The following TRIM37 variants were observed in gnomAD, a reference collection of about 807,000 sequenced individuals.
The protein encoded by TRIM37 is E3 ubiquitin-protein ligase TRIM37.
TRIM37 carries 80 observed loss-of-function variants against 129.8 expected under a neutral mutation model. The observed-to-expected ratio is 0.62, with a 90% CI of 0.51 to 0.74. The LOEUF is 0.74. Ranked by LOEUF, TRIM37 falls within the 30% of genes least tolerant of loss-of-function variation. TRIM37 has a pLI of 0.00. For synonymous variants in TRIM37, 389 were observed against 387.1 expected (o/e 1.00, Z -0.06); for missense variants, 1,054 against 1,176.5 (o/e 0.90, Z 1.52).
chr17:59,019,045 C>T (rs2036274324), intron 19 of TRIM37, among the ~76,000 whole-genome samples: 1 of 152,152 alleles, frequency 6.6e-6, no homozygotes, highest in Non-Finnish European at 1.5e-5. Context: ...TCATATACTG[C>T]TGCTGGGAAT....
At chr17:59,094,530 G>A (rs2044679865) in intron 2 of TRIM37, among the ~76,000 whole-genome samples, 1 of 151,832 alleles carries the variant, frequency 6.6e-6, no homozygotes, top group Non-Finnish European at 1.5e-5. Flanking sequence ...TGCAACAAGA[G>A]AATCAACATA....
chr17:58,982,767 T>C, exon 25 of TRIM37: 1 of 618,914 alleles, frequency 1.6e-6, no homozygotes, highest in Admixed American at 3.1e-5. Context: ...GACAAATGGT[T>C]GAAAAGGAGT....
intron 8 of TRIM37, among the ~76,000 whole-genome samples, chr17:59,074,302 G>A (rs1470862037): frequency 6.6e-6 from 1 of 152,164 alleles, no homozygotes; most frequent in Non-Finnish European, 1.5e-5. Flanking sequence ...GATGTGTATA[G>A]GTTATATGAG....
chr17:58,979,946 T>C (rs765314619), downstream of TRIM37: 9 of 1,560,026 alleles, frequency 5.8e-6, no homozygotes, highest in Admixed American at 1.8e-5. Context: ...CAAATGCTAA[T>C]GATGCCCCTA....
At chr17:59,097,489 C>CTAA (rs1407001696) in intron 2 of TRIM37, among the ~76,000 whole-genome samples, 2 of 151,954 alleles carry the variant, frequency 1.3e-5, no homozygotes, top group Non-Finnish European at 2.9e-5. Context: ...AATGAACAAT[C>CTAA]TAAAAACGAA....
At chr17:59,057,174 G>C in intron 12 of TRIM37, 120 bp from the exon 13 acceptor site, 2 of 806,482 alleles carry the variant, frequency 2.5e-6, no homozygotes, top group Non-Finnish European at 4.0e-6. Flanking sequence ...GATATACGCA[G>C]TTACATTTCT....
intron 24 of TRIM37, among the ~76,000 whole-genome samples, chr17:58,986,177 CCT>C (rs1045239508): frequency 2.6e-5 from 4 of 152,036 alleles, no homozygotes; most frequent in Admixed American, 6.6e-5. Context: ...ACACCCGCCC[CCT>C]GTTGCTGTCA....
chr17:58,989,269 C>A (rs2144052606), intron 24 of TRIM37, among the ~76,000 whole-genome samples: 1 of 152,074 alleles, frequency 6.6e-6, no homozygotes, highest in East Asian at 1.9e-4. Flanking sequence ...AACCCCGTCT[C>A]TACTAAAAAT....
intron 11 of TRIM37, 143 bp downstream of exon 11, chr17:59,062,424 G>C: frequency 1.4e-6 from 1 of 696,732 alleles, no homozygotes; most frequent in Non-Finnish European, 2.5e-6. Flanking sequence ...TAATATGGGG[G>C]AAGAAGGGGA....
intron 17 of TRIM37, among the ~76,000 whole-genome samples, chr17:59,037,136 C>G (rs34076823): frequency 0.24 from 36,750 of 151,282 alleles, 4,764 homozygotes; most frequent in African/African-American, 0.33. Context: ...CAAAACAAAA[C>G]AAAAACAAAA....
chr17:59,005,842 T>C (rs1415421496), intron 22 of TRIM37, among the ~76,000 whole-genome samples: 1 of 152,188 alleles, frequency 6.6e-6, no homozygotes, highest in Non-Finnish European at 1.5e-5. Context: ...CTCATTATTA[T>C]TTACTTAGCA....
intron 7 of TRIM37, among the ~76,000 whole-genome samples, chr17:59,078,607 T>G (rs2043013375): frequency 6.6e-6 from 1 of 152,216 alleles, no homozygotes; most frequent in Non-Finnish European, 1.5e-5. Flanking sequence ...CTACATGGCT[T>G]AATGAACTTA....
intron 24 of TRIM37, among the ~76,000 whole-genome samples, chr17:58,986,296 T>C (rs1334042654): frequency 6.6e-6 from 1 of 151,932 alleles, no homozygotes; most frequent in East Asian, 1.9e-4. Flanking sequence ...CCTCCCAGGT[T>C]CAAGCGATTT....
rs760602328 is a variant in TRIM37, at chr17:59,017,419, T to C, written c.2263A>G (p.Asn755Asp). Residue 755 changes from asparagine to aspartate, a missense_variant, in exon 20 of 24, where the codon AAT becomes GAT. Physicochemically the swap from Asn to Asp is conservative, Grantham distance 23. Coordinates refer to ENST00000262294, the MANE Select transcript of TRIM37 (RefSeq NM_015294.6). ...GGCTTGGGCGAATTACTCTTCTTAT[T>C]TGTGGCTGCAAAGACATTTAAGAAC... ...VANCYIRNST[N>D]KKSNSPKPAR... is the part of the protein sequence containing the mutation. 5.0e-6 allele frequency: 8 copies of C among 1,613,870 alleles called. No homozygotes were observed. The highest frequency in any genetic ancestry group is 3.3e-5 in the South Asian group (3 of 91,090).
chr17:59,019,135 C>T (rs369274918), intron 19 of TRIM37, among the ~76,000 whole-genome samples: 2 of 152,130 alleles, frequency 1.3e-5, no homozygotes, highest in African/African-American at 4.8e-5. Flanking sequence ...CCATGTAACC[C>T]ATTAATTCCA....
chr17:59,049,837 T>C (rs1340148248), intron 14 of TRIM37, among the ~76,000 whole-genome samples: 1 of 152,174 alleles, frequency 6.6e-6, no homozygotes, highest in East Asian at 1.9e-4. Flanking sequence ...TACTGCCTTT[T>C]ATTTATAAAA....
chr17:59,081,010 A>T, intron 6 of TRIM37, 87 bp downstream of exon 6: 2 of 830,410 alleles, frequency 2.4e-6, no homozygotes, highest in Non-Finnish European at 3.1e-6. Context: ...CCTTGATTTC[A>T]ACATCTGATT....
intron 22 of TRIM37, among the ~76,000 whole-genome samples, chr17:59,008,045 G>C (rs890848892): frequency 1.3e-5 from 2 of 152,198 alleles, no homozygotes; most frequent in Non-Finnish European, 1.5e-5. Flanking sequence ...ACTTGCTCTT[G>C]CTGATGATAG....
At chr17:58,980,634 G>C, downstream of TRIM37, 1 of 1,614,172 alleles carries the variant, frequency 6.2e-7, no homozygotes, top group African/African-American at 1.3e-5. This position sits in a 1 kb window ranked among gnomAD's most constrained non-coding sequence, Gnocchi z 4.7. Context: ...AGTGGTGCTG[G>C]AGAGTTTCCC....
Sources: gnomAD v4.1 joint callset for allele counts (sites outside exome capture counted in the v4.1 genomes callset) on GRCh38, gnomAD v4.1.1 for gene constraint, Gnocchi (gnomAD v3.1) non-coding constraint, MANE v1.5 for transcripts, NCBI Gene and HGNC (gene_info 2026-07-23, HGNC 2026-07-21) for gene names.